The following NCALD variants were observed in gnomAD, a reference collection of about 807,000 sequenced individuals.
NCALD encodes neurocalcin-delta.
A neutral mutation model predicts 18.6 loss-of-function variants in NCALD; 10 were observed. The observed-to-expected ratio is 0.54, with a 90% confidence interval of 0.33 to 0.91. The LOEUF is 0.91. NCALD is among the 40% of genes least tolerant of loss of function. NCALD has a pLI of 0.03. For missense variants in NCALD, 184 were observed against 247.6 expected, an observed-to-expected ratio of 0.74 and a Z score of 1.72; for synonymous variants, 88 against 87.4, an observed-to-expected ratio of 1.01 and a Z score of -0.04.
At chr8:101,985,172 G>A (rs1326523748) in intron 2 of NCALD, among the ~76,000 whole-genome samples, 1 of 152,142 alleles carries the variant, frequency 6.6e-6, no homozygotes, top group African/African-American at 2.4e-5. Flanking sequence ...GCCATGGAGG[G>A]GTGCACGTGG....
At chr8:102,013,032 T>G (rs1021302599) in intron 2 of NCALD, among the ~76,000 whole-genome samples, 1 of 152,014 alleles carries the variant, frequency 6.6e-6, no homozygotes, top group African/African-American at 2.4e-5. Context: ...CATACATACA[T>G]AAGTATTAGA....
At chr8:101,980,796 T>C (rs974823859) in intron 2 of NCALD, among the ~76,000 whole-genome samples, 2 of 152,204 alleles carry the variant, frequency 1.3e-5, no homozygotes, top group Non-Finnish European at 2.9e-5. Flanking sequence ...TCACTGGCGG[T>C]ATTCATGTAC....
chr8:101,708,330 G>T (rs1310858744), intron 2 of NCALD, among the ~76,000 whole-genome samples: 1 of 152,220 alleles, frequency 6.6e-6, no homozygotes, highest in African/African-American at 2.4e-5. Flanking sequence ...CTAAAGTCAA[G>T]AATATCTCTT....
At chr8:101,777,693 C>T (rs917613054) in intron 1 of NCALD, among the ~76,000 whole-genome samples, 16 of 152,212 alleles carry the variant, frequency 1.1e-4, no homozygotes, top group Admixed American at 9.8e-4. Context: ...TTAATAAAAT[C>T]TCTCTTCAAG....
At chr8:101,897,601 A>G (rs1051099133) in intron 3 of NCALD, among the ~76,000 whole-genome samples, 2 of 152,224 alleles carry the variant, frequency 1.3e-5, no homozygotes, top group African/African-American at 4.8e-5. Context: ...GGCTATTAAA[A>G]ATAAAGCTGC....
At chr8:101,692,523 A>C in intron 3 of NCALD, 1 of 985,418 alleles carries the variant, frequency 1.0e-6, no homozygotes, top group Non-Finnish European at 1.2e-6. Context: ...GGTTCCTTTC[A>C]TTCTTGCCCC....
At chr8:102,034,619 C>G (rs115059840) in intron 1 of NCALD, among the ~76,000 whole-genome samples, 9,538 of 152,164 alleles carry the variant, frequency 0.063, 602 homozygotes, top group African/African-American at 0.16. Flanking sequence ...CATGGGGGCA[C>G]TAGCAGGAAA....
chr8:101,775,279 C>T (rs774365287), intron 1 of NCALD, among the ~76,000 whole-genome samples: 1 of 152,168 alleles, frequency 6.6e-6, no homozygotes, highest in Non-Finnish European at 1.5e-5. Flanking sequence ...TTGTTAAATT[C>T]AAGGGCACAG....
chr8:101,851,047 T>C (rs144773437), intron 4 of NCALD, among the ~76,000 whole-genome samples: 43 of 152,332 alleles, frequency 2.8e-4, no homozygotes, highest in Middle Eastern at 3.4e-3. Context: ...GAAAGCCTTA[T>C]CAATGTTTCA....
At chr8:101,721,164 A>G (rs1172392275) in intron 1 of NCALD, 1 of 6,180 alleles carries the variant, frequency 1.6e-4, no homozygotes, top group Non-Finnish European at 2.3e-3. Context: ...TTTTTCGTCT[A>G]TTGGAAAAAA....
chr8:102,040,798 G>A lies in NCALD; in HGVS notation c.-209-20509C>T, dbSNP rs551734054. ...CCATCACAGTCTTGAGCACAAACAG[G>A]CATCCATCTTCATAACAGAGCCAGA... is the stretch of plus-strand genomic sequence containing the variant. On this transcript the variant is annotated intron_variant, in intron 1 of 6. Coordinates refer to the NCALD transcript ENST00000311028. 9.9e-4 allele frequency among the ~76,000 whole-genome samples: 151 copies of A among 152,236 alleles called. 1 individual carries two copies. Among genetic ancestry groups the A allele is most frequent in the African/African-American group, 3.5e-3 (144 of 41,544 alleles).
chr8:101,968,492 GGTCA>G (rs1398643219), intron 2 of NCALD, among the ~76,000 whole-genome samples: 1 of 152,156 alleles, frequency 6.6e-6, no homozygotes, highest in Non-Finnish European at 1.5e-5. Flanking sequence ...ATCTCTTTGA[GGTCA>G]GTGTTTGACA....
intron 3 of NCALD, chr8:101,691,987 A>G: frequency 1.0e-6 from 1 of 985,374 alleles, no homozygotes; most frequent in Non-Finnish European, 1.2e-6. Flanking sequence ...GGGTTGCCAG[A>G]TCTGGCAAAT....
At chr8:101,728,310 C>T (rs768942256) in intron 1 of NCALD, among the ~76,000 whole-genome samples, 11 of 152,134 alleles carry the variant, frequency 7.2e-5, no homozygotes, top group Non-Finnish European at 1.5e-4. Flanking sequence ...CTGAAAGCTC[C>T]ATGACTTAAT....
chr8:101,820,536 A>C (rs891265721), intron 4 of NCALD, among the ~76,000 whole-genome samples: 2 of 152,196 alleles, frequency 1.3e-5, no homozygotes, highest in African/African-American at 4.8e-5. Context: ...GTGGTTTCTT[A>C]AACTTGGACT....
chr8:101,814,237 G>A (rs750056780), intron 4 of NCALD, among the ~76,000 whole-genome samples: 1 of 151,948 alleles, frequency 6.6e-6, no homozygotes, highest in Non-Finnish European at 1.5e-5. Context: ...AAACATAGAT[G>A]CAAAATCTTC....
intron 1 of NCALD, among the ~76,000 whole-genome samples, chr8:101,720,706 G>T (rs1816313451): frequency 6.6e-6 from 1 of 152,140 alleles, no homozygotes; most frequent in Non-Finnish European, 1.5e-5. Context: ...CTTAAAGAAT[G>T]ATTTATTTTC....
chr8:102,058,500 A>G (rs558676662), intron 1 of NCALD, among the ~76,000 whole-genome samples: 2 of 152,218 alleles, frequency 1.3e-5, no homozygotes, highest in Non-Finnish European at 2.9e-5. Flanking sequence ...AAAATAGTCA[A>G]TCAACAGAAT....
intron 2 of NCALD, among the ~76,000 whole-genome samples, chr8:101,942,393 C>T (rs1034239290): frequency 6.6e-6 from 1 of 152,126 alleles, no homozygotes; most frequent in African/African-American, 2.4e-5. Context: ...TCTATTCTTG[C>T]CTGTGAAGAG....
Sources: gnomAD v4.1 joint callset for allele counts (sites outside exome capture counted in the v4.1 genomes callset) on GRCh38, gnomAD v4.1.1 for gene constraint, MANE v1.5 for transcripts, NCBI Gene and HGNC (gene_info 2026-07-23, HGNC 2026-07-21) for gene names.